Variants in ATRX observed in about 807,000 individuals in gnomAD.
The protein encoded by ATRX is chromatin remodeler ATRX.
ATRX carries 12 observed loss-of-function variants against 172.6 expected under a neutral mutation model. The observed-to-expected ratio is 0.07, with a 90% CI of 0.04 to 0.11. ATRX has a LOEUF of 0.11. ATRX is among the 10% of genes least tolerant of loss of function. The pLI is 1.00. For synonymous variants in ATRX, 674 were observed against 594.7 expected (o/e 1.13, Z -1.94); for missense variants, 1,368 against 1,767.4 (o/e 0.77, Z 4.05).
intron 19 of ATRX, 25 bp from the exon 20 acceptor site, chrX:77,620,557 C>T (rs371142036): frequency 5.2e-6 from 6 of 1,144,260 alleles, no homozygotes; most frequent in Non-Finnish European, 5.9e-6. Flanking sequence ...AGAAAAATAA[C>T]ACAATTAATA....
Position 77,684,842 on chromosome X carries a change from A to G in ATRX, c.662+97T>C, listed in dbSNP as rs782449036. ...GAACAACCTTTCATTAAAGACATCA[A>G]TGACGATACTATGAAAGACAAACCT... On this transcript the variant is annotated intron_variant, in intron 8 of 34. Transcript: ENST00000373344. The G allele has an allele frequency of 8.3e-6, 7 of 841,240 alleles. No individual in the cohort carries two copies. In the East Asian group the frequency reaches 9.4e-5, roughly 11 times the overall value. 69.3% of individuals were successfully genotyped at this position (841,240 alleles called of 1,213,427 possible).
chrX:77,735,448 C>A lies in ATRX; in HGVS notation c.21-18205G>T, dbSNP rs984185262. Among the ~76,000 whole-genome samples, 107 of 111,306 alleles carry A rather than the reference C, an allele frequency of 9.6e-4. 1 individual carries two copies. Among genetic ancestry groups the A allele is most frequent in the South Asian group, 3.0e-3 (8 of 2,698 alleles). ...CTCTAATAAAAATACAAAAAATTAG[C>A]CGGCACAGTGACGGACGCCTGTAGT... On this transcript the variant is annotated intron_variant, in intron 1 of 34. Transcript: ENST00000373344.
intron 2 of ATRX, among the ~76,000 whole-genome samples, chrX:77,714,208 A>G (rs1259164051): frequency 2.7e-5 from 3 of 111,137 alleles, no homozygotes; most frequent in Non-Finnish European, 5.7e-5. Flanking sequence ...CGATTATCAT[A>G]AAGAACTGAA....
chrX:77,776,177 G>A (rs1237328293), intron 1 of ATRX, among the ~76,000 whole-genome samples: 10 of 111,928 alleles, frequency 8.9e-5, no homozygotes, highest in Admixed American at 1.9e-4. Flanking sequence ...GCAAGGGCTC[G>A]GTTACTAGCC....
At chrX:77,547,107 T>C (rs2064272139) in intron 30 of ATRX, among the ~76,000 whole-genome samples, 1 of 111,966 alleles carries the variant, frequency 8.9e-6, no homozygotes, top group Non-Finnish European at 1.9e-5. Context: ...ATTTAATTCA[T>C]TTATTAAATG....
chrX:77,682,419 C>G lies in ATRX; in HGVS notation c.2837G>C (p.Ser946Thr), dbSNP rs782623450. Residue 946 changes from serine to threonine, a missense_variant, in exon 9 of 35, where the codon AGC becomes ACC. Around this residue, in one of 17 missense-constraint regions of ATRX, gnomAD observed 843 missense variants for 643.1 expected, o/e 1.31. Coordinates refer to ENST00000373344, the MANE Select transcript of ATRX (RefSeq NM_000489.6). ...VRKVAETKEK[S>T]KHLKTKTCKK... ...ACATGTTTTGGTTTTGAGATGCTTG[C>G]TCTTTTCTTTAGTTTCAGCAACTTT... is the stretch of plus-strand genomic sequence containing the variant. 2 of 1,209,554 alleles carry G rather than the reference C, an allele frequency of 1.7e-6. No individual in the cohort carries two copies. Among genetic ancestry groups the G allele is most frequent in the Non-Finnish European group, 2.2e-6 (2 of 895,064 alleles).
chrX:77,537,697 G>A (rs1602427777), intron 30 of ATRX, among the ~76,000 whole-genome samples: 1 of 110,276 alleles, frequency 9.1e-6, no homozygotes, highest in African/African-American at 3.3e-5. Context: ...TCTATACAGA[G>A]GTGTTTTACA....
At chrX:77,547,785 T>C (rs1376145657) in intron 30 of ATRX, among the ~76,000 whole-genome samples, 1 of 111,627 alleles carries the variant, frequency 9.0e-6, no homozygotes, top group African/African-American at 3.3e-5. Flanking sequence ...CAAATACCTA[T>C]GTCTTCTGCA....
intron 2 of ATRX, among the ~76,000 whole-genome samples, chrX:77,705,154 T>C (rs1374945941): frequency 9.0e-6 from 1 of 111,237 alleles, no homozygotes; most frequent in Non-Finnish European, 1.9e-5. Flanking sequence ...TAGCCGCAGT[T>C]TGGGAGACTG....
intron 1 of ATRX, among the ~76,000 whole-genome samples, chrX:77,740,642 A>G (rs2074820513): frequency 9.1e-6 from 1 of 109,861 alleles, no homozygotes; most frequent in Non-Finnish European, 1.9e-5. Context: ...GGGACTCAGG[A>G]CCAATTAAAA....
rs200678890 is a variant in ATRX at position 77,590,007 on chromosome X, CG to C, written c.6111-68del. 1,573 of 910,929 alleles carry C rather than the reference CG, an allele frequency of 1.7e-3. 14 individuals are homozygous for C. In the African/African-American group the frequency reaches 0.028, roughly 16 times the overall value. 75.1% of individuals were successfully genotyped at this position (910,929 alleles called of 1,213,427 possible). A position where few individuals can be genotyped will look rare whatever the true frequency, so the allele number is the denominator to read the frequency against. ...GTAAAGATATCACTTCTTCCTAAAT[CG>C]ATCTACAAATTTAACACAATTGTAA... On this transcript the variant is annotated intron_variant, in intron 26 of 34. Coordinates refer to ENST00000373344, the MANE Select transcript of ATRX (RefSeq NM_000489.6).
chrX:77,619,375 G>A (rs914499585), intron 20 of ATRX, among the ~76,000 whole-genome samples: 1 of 110,738 alleles, frequency 9.0e-6, no homozygotes, highest in Non-Finnish European at 1.9e-5. Flanking sequence ...ATAAATAGGA[G>A]GTAATAAGCT....
rs904815011 is a variant in ATRX at position 77,676,104 on chromosome X, G to A, written c.3809+122C>T. On this transcript the variant is annotated intron_variant, in intron 10 of 34. Coordinates refer to ENST00000373344, the MANE Select transcript of ATRX (RefSeq NM_000489.6). ...TCAAACTTGCAGGAAGACTGTGAGC[G>A]AGTCTTTCTAAGGCAGGCACTCCTG... The A allele has an allele frequency of 1.3e-5, 8 of 601,291 alleles. No homozygotes were observed. The African/African-American group carries it at 1.4e-4, about 10-fold the overall frequency. 49.6% of individuals were successfully genotyped at this position (601,291 alleles called of 1,213,427 possible). A position where few individuals can be genotyped will look rare whatever the true frequency, so the allele number is the denominator to read the frequency against.
chrX:77,710,624 G>A (rs1470197303), intron 2 of ATRX, among the ~76,000 whole-genome samples: 1 of 111,242 alleles, frequency 9.0e-6, no homozygotes, highest in Non-Finnish European at 1.9e-5. Context: ...AAAAGGAAAG[G>A]ATTGTTGATA....
At chrX:77,587,455 A>G (rs1369825979) in intron 27 of ATRX, among the ~76,000 whole-genome samples, 1 of 112,269 alleles carries the variant, frequency 8.9e-6, no homozygotes, top group African/African-American at 3.2e-5. Flanking sequence ...AACTAGAAAG[A>G]GAAGATAATT....
intron 13 of ATRX, among the ~76,000 whole-genome samples, chrX:77,654,648 G>A (rs2069449228): frequency 9.0e-6 from 1 of 111,484 alleles, no homozygotes; most frequent in Admixed American, 9.5e-5. Flanking sequence ...CATTAATCCA[G>A]ACAAAATAAC....
At chrX:77,629,828 G>A (rs1288004283) in intron 19 of ATRX, among the ~76,000 whole-genome samples, 1 of 111,914 alleles carries the variant, frequency 8.9e-6, no homozygotes, top group African/African-American at 3.2e-5. Flanking sequence ...ACTTACGTTC[G>A]ACATTGTATG....
chrX:77,722,726 A>C (rs1436267700), intron 1 of ATRX, among the ~76,000 whole-genome samples: 1 of 111,721 alleles, frequency 9.0e-6, no homozygotes, highest in Non-Finnish European at 1.9e-5. Flanking sequence ...AATAGGAACA[A>C]TTTTACACTG....
At chrX:77,551,347 C>T (rs2064504063) in intron 30 of ATRX, among the ~76,000 whole-genome samples, 1 of 111,602 alleles carries the variant, frequency 9.0e-6, no homozygotes, top group Admixed American at 9.5e-5. Context: ...ACAAACCTGA[C>T]AAAAACAAGA....
Sources: allele counts gnomAD v4.1 joint callset (sites outside exome capture counted in the v4.1 genomes callset), GRCh38; gene constraint gnomAD v4.1.1; regional missense constraint gnomAD v4.1.1; transcripts MANE v1.5; gene names NCBI Gene and HGNC (gene_info 2026-07-23, HGNC 2026-07-21).